PEAK1: variants seen among roughly 807,000 people sequenced by gnomAD.
The protein encoded by PEAK1 is inactive tyrosine-protein kinase PEAK1.
Under a neutral mutation model 124.7 loss-of-function variants are expected in PEAK1, and 54 were observed. That is an observed-to-expected ratio of 0.43 (90% CI 0.35 to 0.54). The LOEUF is 0.54. Ranked by LOEUF, PEAK1 falls within the 20% of genes least tolerant of loss-of-function variation. The pLI, the probability that PEAK1 is intolerant of heterozygous loss-of-function variation, is 0.01. For missense variants in PEAK1, 2,046 were observed against 2,134.5 expected (o/e 0.96, Z 0.82); for synonymous variants, 719 against 760.0 (o/e 0.95, Z 0.89).
chr15:77,252,433 C>T lies in PEAK1; in HGVS notation c.-181G>A, dbSNP rs2060921993. ...TGGTTTTAGCAGCTAGCAAAACATT[C>T]CTTCCAAATTTCAAGGTGCTTTGGG... On this transcript the variant is annotated 5_prime_UTR_variant, in exon 6 of 10. Transcript: ENST00000682557. 1 of 985,152 alleles carries T rather than the reference C, an allele frequency of 1.0e-6. No individual in the cohort carries two copies. The allele number at this position is 985,152 out of a possible 1,614,324, so 61.0% of individuals were successfully genotyped here.
intron 1 of PEAK1, among the ~76,000 whole-genome samples, chr15:77,390,020 C>T (rs2070318079): frequency 6.6e-6 from 1 of 152,194 alleles, no homozygotes; most frequent in Non-Finnish European, 1.5e-5. Flanking sequence ...TTGTATTCAT[C>T]ATTAACCCTC....
At chr15:77,277,685 T>C (rs781669521) in intron 5 of PEAK1, among the ~76,000 whole-genome samples, 4 of 152,298 alleles carry the variant, frequency 2.6e-5, no homozygotes, top group Middle Eastern at 3.4e-3. Context: ...AATATTTTTG[T>C]TCTAATAGAA....
At chr15:77,289,118 A>AT (rs1267511224) in intron 2 of PEAK1, among the ~76,000 whole-genome samples, 2 of 152,044 alleles carry the variant, frequency 1.3e-5, no homozygotes, top group Non-Finnish European at 2.9e-5. Flanking sequence ...ACCTTCAAAT[A>AT]TTTTTTTCTG....
At chr15:77,363,436 C>T (rs1013412584) in intron 2 of PEAK1, among the ~76,000 whole-genome samples, 9 of 152,138 alleles carry the variant, frequency 5.9e-5, no homozygotes, top group Admixed American at 4.6e-4. Flanking sequence ...ACACTAAAAA[C>T]ACTTTCCTCC....
intron 7 of PEAK1, among the ~76,000 whole-genome samples, chr15:77,170,355 G>T (rs1312534097): frequency 6.6e-6 from 1 of 152,058 alleles, no homozygotes; most frequent in African/African-American, 2.4e-5. Flanking sequence ...TAATCCAGTA[G>T]AACTGATTGC....
chr15:77,247,485 C>CTTTTTTTTTTTTTTTTTT (rs398028029), intron 6 of PEAK1, among the ~76,000 whole-genome samples: 292 of 84,292 alleles, frequency 3.5e-3, no homozygotes, highest in Middle Eastern at 0.022. Flanking sequence ...CTTTTCTTTT[C>CTTTTTTTTTTTTTTTTTT]TTTTTTTTTT....
chr15:77,265,033 G>A (rs2061644196), intron 5 of PEAK1, among the ~76,000 whole-genome samples: 1 of 152,164 alleles, frequency 6.6e-6, no homozygotes, highest in Non-Finnish European at 1.5e-5. Flanking sequence ...AAATGGTGCT[G>A]GGAAAACTGT....
chr15:77,321,730 C>T (rs568618781), intron 2 of PEAK1, among the ~76,000 whole-genome samples: 1 of 152,210 alleles, frequency 6.6e-6, no homozygotes, highest in African/African-American at 2.4e-5. Flanking sequence ...AAGTCCTTGC[C>T]CATGCCTATG....
intron 2 of PEAK1, among the ~76,000 whole-genome samples, chr15:77,309,369 G>A (rs1302771296): frequency 6.6e-6 from 1 of 151,900 alleles, no homozygotes; most frequent in Non-Finnish European, 1.5e-5. Context: ...CAGACAGAAG[G>A]AATGACATAT....
Position 77,212,253 on chromosome 15 carries a change from T to G in PEAK1, c.-114-30213A>C, listed in dbSNP as rs139248873. Among the ~76,000 whole-genome samples the G allele has an allele frequency of 4.3e-3, 651 of 152,338 alleles. 4 individuals carry two copies. Among genetic ancestry groups the G allele is most frequent in the African/African-American group, 0.014 (601 of 41,586 alleles). ...CCTAAGCTGGGAATTCAGCCCAGGT[T>G]TTTTAGTGGCCAAGGTTCTCTTTTT... On this transcript the variant is annotated intron_variant, in intron 6 of 9. Coordinates refer to ENST00000682557, the MANE Select transcript of PEAK1 (RefSeq NM_001385026.1).
intron 6 of PEAK1, among the ~76,000 whole-genome samples, chr15:77,210,104 T>C (rs930338038): frequency 6.6e-6 from 1 of 152,174 alleles, no homozygotes; most frequent in Non-Finnish European, 1.5e-5. Flanking sequence ...AGAGATCAAA[T>C]AGGATAACTA....
chr15:77,225,320 C>T (rs2059581454), intron 6 of PEAK1, among the ~76,000 whole-genome samples: 1 of 151,866 alleles, frequency 6.6e-6, no homozygotes, highest in Non-Finnish European at 1.5e-5. Context: ...CCAGATATTT[C>T]CCCAACCACA....
At chr15:77,159,072 T>C (rs953396261) in intron 7 of PEAK1, among the ~76,000 whole-genome samples, 1 of 152,238 alleles carries the variant, frequency 6.6e-6, no homozygotes, top group Non-Finnish European at 1.5e-5. Flanking sequence ...AATTATAGTA[T>C]TCTAATACTA....
rs56079860 is a variant in PEAK1 at position 77,115,174 on chromosome 15, G to T, written c.4223C>A (p.Pro1408Gln). 8,689 of 1,614,018 alleles carry T rather than the reference G, an allele frequency of 5.4e-3. 238 individuals carry two copies. In the African/African-American group the frequency reaches 0.071, roughly 13 times the overall value. Residue 1408 changes from proline (P) to glutamine (Q), a missense_variant, in exon 10 of 10, where the codon CCA becomes CAA. Pro to Gln is a moderately conservative substitution (Grantham distance 76). Transcript: ENST00000682557. ...VPNRLLPWED[P>Q]DDPEKDEDDM... ...ATCCTCATCCTTTTCAGGGTCATCT[G>T]GATCCTCCCAGGGAAGCAGACGGTT...
intron 9 of PEAK1, among the ~76,000 whole-genome samples, chr15:77,129,783 T>G (rs560195537): frequency 6.6e-6 from 1 of 152,222 alleles, no homozygotes; most frequent in South Asian, 2.1e-4. Context: ...TTAAAGAACT[T>G]TTAGTCTCTT....
intron 2 of PEAK1, chr15:77,346,796 G>GCCTA: frequency 1.1e-6 from 1 of 923,096 alleles, no homozygotes; most frequent in Non-Finnish European, 1.3e-6. Context: ...TTACTGAAAT[G>GCCTA]CCTATTATGG....
intron 7 of PEAK1, among the ~76,000 whole-genome samples, chr15:77,159,288 C>T (rs974249265): frequency 3.9e-5 from 6 of 152,192 alleles, no homozygotes; most frequent in African/African-American, 1.4e-4. Context: ...TGCCTGTCTG[C>T]ATGCAGCAGG....
chr15:77,385,859 G>A (rs1010585989), intron 1 of PEAK1, among the ~76,000 whole-genome samples: 2 of 152,162 alleles, frequency 1.3e-5, no homozygotes, highest in Non-Finnish European at 2.9e-5. Flanking sequence ...ATTTCCAAAG[G>A]ACCATGCTTA....
Position 77,184,200 on chromosome 15 carries a change from A to G in PEAK1, c.-114-2160T>C, listed in dbSNP as rs1196597847. On this transcript the variant is annotated intron_variant, in intron 6 of 9. Coordinates refer to ENST00000682557, the MANE Select transcript of PEAK1 (RefSeq NM_001385026.1). ...TAATTTACAATATTTATAATATTGTAGTAAATAAAATTTATAATATTGTAA... is the reference window on the plus strand; with the variant it reads ...TAATTTACAATATTTATAATATTGTGGTAAATAAAATTTATAATATTGTAA... Among the ~76,000 whole-genome samples the G allele has an allele frequency of 3.3e-5, 5 of 151,988 alleles. No homozygotes were observed. In the South Asian group the frequency reaches 8.3e-4, roughly 25 times the overall value.
Sources: gnomAD v4.1 joint callset for allele counts (sites outside exome capture counted in the v4.1 genomes callset) on GRCh38, gnomAD v4.1.1 for gene constraint, MANE v1.5 for transcripts, NCBI Gene and HGNC (gene_info 2026-07-23, HGNC 2026-07-21) for gene names.